FARP1: variants seen among roughly 807,000 people sequenced by gnomAD.
FARP1 encodes the protein FERM, ARH/RhoGEF and pleckstrin domain protein 1.
FARP1 carries 52 observed loss-of-function variants against 128.8 expected under a neutral mutation model. The observed-to-expected ratio is 0.40, with a 90% confidence interval of 0.32 to 0.51. FARP1 has a LOEUF of 0.51. Among genes scored for constraint, FARP1 ranks in the 20% least tolerant of loss-of-function variants. FARP1 has a pLI of 0.45. For synonymous variants in FARP1, 580 were observed against 551.8 expected (o/e 1.05, Z -0.72); for missense variants, 1,333 against 1,367.9 (o/e 0.97, Z 0.40).
chr13:98,439,430 C>G (rs1892431562), intron 21 of FARP1, among the ~76,000 whole-genome samples: 1 of 152,060 alleles, frequency 6.6e-6, no homozygotes, highest in South Asian at 2.1e-4. Flanking sequence ...ACGGCTCCTT[C>G]TCCTGCACAT....
intron 2 of FARP1, among the ~76,000 whole-genome samples, chr13:98,317,772 A>C (rs538395868): frequency 1.3e-5 from 2 of 152,292 alleles, no homozygotes; most frequent in East Asian, 3.9e-4. Context: ...GTGTTGGCCA[A>C]TTCCAGTCCT....
intron 13 of FARP1, chr13:98,400,793 T>C (rs1890731721): frequency 6.6e-6 from 1 of 152,228 alleles, no homozygotes; most frequent in Non-Finnish European, 1.5e-5. Context: ...CTTCCTCTAG[T>C]GTGATGGTAT....
intron 2 of FARP1, among the ~76,000 whole-genome samples, chr13:98,280,240 C>T (rs188440642): frequency 5.3e-5 from 8 of 152,328 alleles, no homozygotes; most frequent in South Asian, 2.1e-4. Context: ...GGTGTGCTTC[C>T]GGGGTCTCCG....
Position 98,377,865 on chromosome 13 carries a change from G to A in FARP1, c.443G>A (p.Arg148Lys), listed in dbSNP as rs779996143. The A allele has an allele frequency of 1.9e-6, 3 of 1,614,060 alleles. No individual in the cohort carries two copies. Among genetic ancestry groups the A allele is most frequent in the Non-Finnish European group, 2.5e-6 (3 of 1,179,920 alleles). ...LQVKQDLAQG[R>K]LTCNDTSAAL... The stretch of plus-strand genomic sequence containing the variant: ...GTGAAGCAGGACTTGGCTCAAGGCA[G>A]GTTGACGTGTAATGACACCAGCGCA... Residue 148 changes from arginine to lysine, a missense_variant, in exon 6 of 27, where the codon AGG becomes AAG. Coordinates refer to ENST00000319562, the MANE Select transcript of FARP1 (RefSeq NM_005766.4).
rs150402678 is a variant in FARP1, at chr13:98,165,747, T to C, written c.-24+22255T>C. ...TTTTTTTTTTTTTTTTTTTTTTGTC[T>C]CACTCTGTCATGCAGGCTGGAGTAC... is the stretch of plus-strand genomic sequence containing the variant. On this transcript the variant is annotated intron_variant, in intron 1 of 26. Transcript: ENST00000319562. Among the ~76,000 whole-genome samples the C allele has an allele frequency of 4.9e-3, 565 of 114,346 alleles. 6 individuals carry two copies. The highest frequency in any genetic ancestry group is 0.018 in the African/African-American group (539 of 29,662). The allele number at this position is 114,346 out of a possible 152,430, so 75.0% of individuals were successfully genotyped here. A position where few individuals can be genotyped will look rare whatever the true frequency, so the allele number is the denominator to read the frequency against.
intron 1 of FARP1, among the ~76,000 whole-genome samples, chr13:98,202,855 G>A (rs1285182657): frequency 6.6e-6 from 1 of 152,038 alleles, no homozygotes; most frequent in Non-Finnish European, 1.5e-5. Context: ...AAGTAGCTGG[G>A]ACTGCAGGTG....
At chr13:98,268,778 T>TTGTGTG (rs59132299) in intron 2 of FARP1, among the ~76,000 whole-genome samples, 2,868 of 148,250 alleles carry the variant, frequency 0.019, 54 homozygotes, top group South Asian at 0.054. Flanking sequence ...TTTCCCTTCT[T>TTGTGTG]TGTGTGTGTG....
At chr13:98,278,331 ATGTG>A (rs1325382940) in intron 2 of FARP1, among the ~76,000 whole-genome samples, 2 of 151,638 alleles carry the variant, frequency 1.3e-5, no homozygotes, top group Non-Finnish European at 2.9e-5. Context: ...GTGTGTGTAT[ATGTG>A]TGTGAGTGTG....
At chr13:98,414,915 G>A (rs9556951) in intron 16 of FARP1, among the ~76,000 whole-genome samples, 20,660 of 152,188 alleles carry the variant, frequency 0.14, 2,134 homozygotes, top group East Asian at 0.31. Context: ...CTGTGGGAAA[G>A]GGCATACGCA....
Position 98,365,455 on chromosome 13 carries a change from G to A in FARP1, c.319+18G>A. On this transcript the variant is annotated intron_variant, in intron 4 of 26. Coordinates refer to ENST00000319562, the MANE Select transcript of FARP1 (RefSeq NM_005766.4). Reference sequence around the variant, plus strand: ...GATTAGAAGTGAGTATATACCATATGTTTAATAGTGATGTGAAATCTGAAG... The same window carrying A: ...GATTAGAAGTGAGTATATACCATATATTTAATAGTGATGTGAAATCTGAAG... 1 of 1,557,946 alleles carries A rather than the reference G, an allele frequency of 6.4e-7. No homozygotes were observed. Among genetic ancestry groups the A allele is most frequent in the South Asian group, 1.1e-5 (1 of 88,560 alleles).
At chr13:98,190,480 G>A (rs1360873712) in intron 1 of FARP1, among the ~76,000 whole-genome samples, 1 of 152,180 alleles carries the variant, frequency 6.6e-6, no homozygotes, top group East Asian at 1.9e-4. Flanking sequence ...CAAAATCAAG[G>A]TTGACTGATA....
chr13:98,257,583 C>T (rs1429907374), intron 2 of FARP1, among the ~76,000 whole-genome samples: 2 of 152,084 alleles, frequency 1.3e-5, no homozygotes, highest in Non-Finnish European at 2.9e-5. Flanking sequence ...CCAGCCTGAC[C>T]AACATGGTGA....
At chr13:98,359,224 A>T (rs1594442491) in intron 3 of FARP1, among the ~76,000 whole-genome samples, 1 of 152,276 alleles carries the variant, frequency 6.6e-6, no homozygotes, top group East Asian at 1.9e-4. Context: ...GCTTGCCTTC[A>T]TTCATGTGTG....
chr13:98,388,562 G>A (rs1279371542), intron 9 of FARP1, 84 bp downstream of exon 9: 3 of 1,048,526 alleles, frequency 2.9e-6, no homozygotes, highest in Non-Finnish European at 4.4e-6. Flanking sequence ...GCTTGGCAGG[G>A]CTTCTGCTGA....
intron 2 of FARP1, among the ~76,000 whole-genome samples, chr13:98,301,223 T>C (rs918123378): frequency 6.6e-6 from 1 of 152,230 alleles, no homozygotes; most frequent in African/African-American, 2.4e-5. Context: ...GCAAGTACAT[T>C]GACCAGCTCC....
chr13:98,345,881 T>G (rs1888158243), intron 3 of FARP1, among the ~76,000 whole-genome samples: 1 of 152,212 alleles, frequency 6.6e-6, no homozygotes, highest in Admixed American at 6.5e-5. Flanking sequence ...GAACTTCATA[T>G]AACAGGAAGC....
At chr13:98,242,019 C>T (rs925957700) in intron 2 of FARP1, among the ~76,000 whole-genome samples, 6 of 152,078 alleles carry the variant, frequency 3.9e-5, no homozygotes, top group Middle Eastern at 3.2e-3. Flanking sequence ...CCGGGAGGAT[C>T]GCTTGAGCCT....
intron 5 of FARP1, among the ~76,000 whole-genome samples, chr13:98,371,224 T>G (rs555722203): frequency 3.0e-4 from 45 of 148,242 alleles, no homozygotes; most frequent in Middle Eastern, 3.4e-3. Context: ...CCCCGTTTTT[T>G]TTTTTTTTTT....
rs142534009 is a variant in FARP1 at position 98,356,437 on chromosome 13, G to A, written c.277-8958G>A. Among the ~76,000 whole-genome samples, 707 of 152,206 alleles carry A rather than the reference G, an allele frequency of 4.6e-3. 4 individuals carry two copies. The highest frequency in any genetic ancestry group is 0.016 in the African/African-American group (675 of 41,514). On this transcript the variant is annotated intron_variant, in intron 3 of 26. Transcript: ENST00000319562. ...ATACAGGATTATGATATATACCACT[G>A]ACGTATTATGCGCCTGTTCTTGACT...
Sources: allele counts gnomAD v4.1 joint callset (sites outside exome capture counted in the v4.1 genomes callset), GRCh38; gene constraint gnomAD v4.1.1; transcripts MANE v1.5; gene names NCBI Gene and HGNC (gene_info 2026-07-23, HGNC 2026-07-21).